The following ZNF718 variants were observed in gnomAD, a reference collection of about 807,000 sequenced individuals.
The protein encoded by ZNF718 is zinc finger protein 718.
In ZNF718, 3 loss-of-function variants were observed where a neutral mutation model predicts 2.6. That is an observed-to-expected ratio of 1.16 (90% CI 0.53 to 3.01). The LOEUF is 3.01. Ranked by LOEUF, ZNF718 falls within the 30% of genes most tolerant of loss-of-function variation. The pLI is 0.03. For synonymous variants in ZNF718, 135 were observed against 77.9 expected, an observed-to-expected ratio of 1.73 and a Z score of -3.86; for missense variants, 468 against 230.0, an observed-to-expected ratio of 2.03 and a Z score of -6.69.
chr4:144,580 C>A (rs1553810872), intron 3 of ZNF718, among the ~76,000 whole-genome samples: 1 of 152,140 alleles, frequency 6.6e-6, no homozygotes, highest in Non-Finnish European at 1.5e-5. Flanking sequence ...TGCATTAAAT[C>A]TGTAGATCAT....
chr4:188,997 A>G (rs1398512532), intron 3 of ZNF718, among the ~76,000 whole-genome samples: 2 of 150,738 alleles, frequency 1.3e-5, no homozygotes. Flanking sequence ...ATTTAGAAAG[A>G]GCAGCTTGTC....
chr4:194,863 G>A (rs1401674140), intron 3 of ZNF718, among the ~76,000 whole-genome samples: 1 of 152,194 alleles, frequency 6.6e-6, no homozygotes, highest in Non-Finnish European at 1.5e-5. Flanking sequence ...GCCATTTTCC[G>A]ATGAGCATTA....
chr4:160,027 TTTC>T (rs1226823756), intron 3 of ZNF718, among the ~76,000 whole-genome samples: 1 of 152,208 alleles, frequency 6.6e-6, no homozygotes, highest in Admixed American at 6.5e-5. Flanking sequence ...TTTGTTCATG[TTTC>T]TTCTTATGGT....
At chr4:139,336 A>G (rs1195226152) in intron 3 of ZNF718, among the ~76,000 whole-genome samples, 2 of 152,214 alleles carry the variant, frequency 1.3e-5, no homozygotes, top group Non-Finnish European at 2.9e-5. Flanking sequence ...ATTCCTCTGA[A>G]TATGGATATT....
At chr4:135,057 C>T (rs1224392080) in intron 3 of ZNF718, among the ~76,000 whole-genome samples, 2 of 152,050 alleles carry the variant, frequency 1.3e-5, no homozygotes, top group African/African-American at 2.4e-5. Flanking sequence ...TCCTGGCCAA[C>T]GTGGTGAAAC....
At position 124,654 on chromosome 4, in the gene ZNF718, A is replaced by G; in HGVS notation, c.-17A>G. 6.2e-7 allele frequency: 1 copy of G among 1,608,054 alleles called. No homozygotes were observed. The highest frequency in any genetic ancestry group is 8.5e-7 in the Non-Finnish European group (1 of 1,179,608). On this transcript the variant is annotated 5_prime_UTR_variant, in exon 1 of 4. Transcript: ENST00000510175. ...TGATTCGTATCTAAGACTCTGGGAC[A>G]CTCCTGAAGTCGGGAAATGGTGAGT...
intron 3 of ZNF718, among the ~76,000 whole-genome samples, chr4:151,419 A>C (rs782010488): frequency 1.8e-4 from 28 of 152,046 alleles, no homozygotes; most frequent in African/African-American, 6.3e-4. Context: ...CTTTTCAATT[A>C]CAGTCTTTTC....
chr4:191,229 A>G (rs566313889), intron 3 of ZNF718, among the ~76,000 whole-genome samples: 1 of 144,584 alleles, frequency 6.9e-6, no homozygotes, highest in African/African-American at 2.6e-5. Context: ...GCTCACTGCA[A>G]CCTCCGCTTC....
At chr4:177,940 C>G (rs1717383225) in intron 3 of ZNF718, among the ~76,000 whole-genome samples, 1 of 151,938 alleles carries the variant, frequency 6.6e-6, no homozygotes. Flanking sequence ...CAAAGACAAC[C>G]CGAAACATGT....
chr4:177,785 C>G (rs370411813), intron 3 of ZNF718, among the ~76,000 whole-genome samples: 23 of 152,162 alleles, frequency 1.5e-4, no homozygotes, highest in African/African-American at 5.1e-4. Context: ...TATCTCATGT[C>G]AGCAGGAAGC....
chr4:185,274 G>A (rs1222764932), intron 3 of ZNF718, among the ~76,000 whole-genome samples: 1 of 152,162 alleles, frequency 6.6e-6, no homozygotes, highest in Non-Finnish European at 1.5e-5. Context: ...GAATCCTTAA[G>A]GAGCAGGTTG....
chr4:124,669 A>G lies in ZNF718; in HGVS notation c.-2A>G. On this transcript the variant is annotated 5_prime_UTR_variant, in exon 1 of 4. Transcript: ENST00000510175. ...ACTCTGGGACACTCCTGAAGTCGGG[A>G]AATGGTGAGTGTGCAGGGCAGGGCG... The G allele has an allele frequency of 6.2e-7, 1 of 1,609,186 alleles. No homozygotes were observed. Among genetic ancestry groups the G allele is most frequent in the Non-Finnish European group, 8.5e-7 (1 of 1,179,722 alleles).
intron 3 of ZNF718, among the ~76,000 whole-genome samples, chr4:193,497 C>A (rs1717733029): frequency 6.6e-6 from 1 of 152,092 alleles, no homozygotes; most frequent in Non-Finnish European, 1.5e-5. Flanking sequence ...CCGGCTTTTG[C>A]TAGGATGTCT....
intron 3 of ZNF718, among the ~76,000 whole-genome samples, chr4:169,790 A>G (rs1320342706): frequency 6.6e-6 from 1 of 151,574 alleles, no homozygotes; most frequent in Non-Finnish European, 1.5e-5. Flanking sequence ...ATGGGTCTTG[A>G]CTCTTTATCC....
intron 3 of ZNF718, among the ~76,000 whole-genome samples, chr4:134,434 G>A (rs781906515): frequency 1.1e-4 from 16 of 152,148 alleles, no homozygotes; most frequent in Admixed American, 3.3e-4. Context: ...GTGAGCCACC[G>A]TGCCCAGCCA....
At chr4:136,495 A>G in intron 3 of ZNF718, 1 of 524,328 alleles carries the variant, frequency 1.9e-6, no homozygotes, top group Non-Finnish European at 3.8e-6. Flanking sequence ...GACCAAGCTT[A>G]GTGTGCCATG....
chr4:179,121 G>T (rs368424955), intron 3 of ZNF718, among the ~76,000 whole-genome samples: 1 of 152,118 alleles, frequency 6.6e-6, no homozygotes, highest in South Asian at 2.1e-4. Context: ...TGAATTTTTT[G>T]ACACCATTTG....
At chr4:187,810 T>G (rs782578880) in intron 3 of ZNF718, among the ~76,000 whole-genome samples, 11 of 152,144 alleles carry the variant, frequency 7.2e-5, no homozygotes, top group Non-Finnish European at 1.3e-4. Context: ...CCCAATTGGC[T>G]TGGGCTCTCC....
At chr4:164,616 T>C (rs558216426), downstream of ZNF718, among the ~76,000 whole-genome samples, 75 of 152,228 alleles carry the variant, frequency 4.9e-4, no homozygotes, top group African/African-American at 1.8e-3. Context: ...ATGATTTTTA[T>C]AAAATTTAGT....
Sources: allele counts gnomAD v4.1 joint callset (sites outside exome capture counted in the v4.1 genomes callset), GRCh38; gene constraint gnomAD v4.1.1; transcripts MANE v1.5; gene names NCBI Gene and HGNC (gene_info 2026-07-23, HGNC 2026-07-21).